The following BRMS1L variants were observed in gnomAD, a reference collection of about 807,000 sequenced individuals.
BRMS1L encodes breast cancer metastasis-suppressor 1-like protein.
A neutral mutation model predicts 50.3 loss-of-function variants in BRMS1L; 23 were observed. That is an observed-to-expected ratio of 0.46 (90% CI 0.33 to 0.65). BRMS1L has a LOEUF of 0.65. Among genes scored for constraint, BRMS1L ranks in the 30% least tolerant of loss-of-function variants. The pLI is 0.02. For missense variants in BRMS1L, 286 were observed against 386.1 expected (o/e 0.74, Z 2.17); for synonymous variants, 114 against 126.9 (o/e 0.90, Z 0.69).
intron 4 of BRMS1L, among the ~76,000 whole-genome samples, chr14:35,845,513 A>G (rs2078122619): frequency 6.6e-6 from 1 of 152,162 alleles, no homozygotes; most frequent in Non-Finnish European, 1.5e-5. Context: ...TAGGTTGTTA[A>G]TGGATTTCCT....
At chr14:35,841,692 C>A (rs1302792894) in intron 4 of BRMS1L, among the ~76,000 whole-genome samples, 1 of 152,154 alleles carries the variant, frequency 6.6e-6, no homozygotes, top group African/African-American at 2.4e-5. Flanking sequence ...TCTGTTAGGT[C>A]TCCTTGGTCC....
chr14:35,838,965 T>C (rs565312959), intron 4 of BRMS1L, among the ~76,000 whole-genome samples: 4 of 152,348 alleles, frequency 2.6e-5, no homozygotes, highest in East Asian at 3.9e-4. Context: ...TCCTGAATGG[T>C]ATTTCCTAGG....
intron 8 of BRMS1L, 79 bp downstream of exon 8, chr14:35,865,840 A>T: frequency 8.1e-7 from 1 of 1,241,494 alleles, no homozygotes; most frequent in Non-Finnish European, 1.1e-6. Flanking sequence ...GTACTAAAGA[A>T]CTCTTGAATC....
intron 4 of BRMS1L, among the ~76,000 whole-genome samples, chr14:35,852,665 C>G (rs1454473873): frequency 6.6e-6 from 1 of 152,160 alleles, no homozygotes; most frequent in East Asian, 1.9e-4. Context: ...GGCGCGGTGG[C>G]TCACGCCTGT....
intron 3 of BRMS1L, among the ~76,000 whole-genome samples, chr14:35,834,548 T>A (rs1192298583): frequency 1.3e-5 from 2 of 152,108 alleles, no homozygotes; most frequent in Non-Finnish European, 2.9e-5. Flanking sequence ...AGGAAAAGAG[T>A]TTTATTTTCA....
chr14:35,830,050 G>T, intron 1 of BRMS1L: 1 of 170,786 alleles, frequency 5.9e-6, no homozygotes, highest in South Asian at 1.4e-4. Flanking sequence ...AATAAGATTA[G>T]TTTTCCTTTT....
intron 5 of BRMS1L, among the ~76,000 whole-genome samples, chr14:35,863,282 G>A (rs973118277): frequency 2.0e-5 from 3 of 152,150 alleles, no homozygotes; most frequent in Admixed American, 2.0e-4. Flanking sequence ...ACTTATTAAT[G>A]ATTAGATCAG....
chr14:35,866,610 TG>T (rs2078424974), intron 8 of BRMS1L, among the ~76,000 whole-genome samples: 1 of 151,914 alleles, frequency 6.6e-6, no homozygotes, highest in Non-Finnish European at 1.5e-5. Context: ...GAGGCTGAGG[TG>T]GGAGGATCAC....
intron 4 of BRMS1L, among the ~76,000 whole-genome samples, chr14:35,845,826 G>C (rs1305076337): frequency 6.6e-6 from 1 of 152,120 alleles, no homozygotes; most frequent in East Asian, 1.9e-4. Context: ...CGTGATCATA[G>C]TGCACTGCAG....
intron 3 of BRMS1L, among the ~76,000 whole-genome samples, chr14:35,834,005 A>T (rs1048696594): frequency 6.6e-6 from 1 of 152,154 alleles, no homozygotes. Context: ...GATTACATGG[A>T]TGATCAGGAA....
At chr14:35,843,496 G>T (rs916083694) in intron 4 of BRMS1L, among the ~76,000 whole-genome samples, 11 of 152,192 alleles carry the variant, frequency 7.2e-5, no homozygotes, top group Admixed American at 6.5e-5. Flanking sequence ...TGTTTGCCTG[G>T]TTATCACCAG....
chr14:35,831,643 G>A lies in BRMS1L; in HGVS notation c.233+143G>A, dbSNP rs191703874. The A allele has an allele frequency of 5.0e-5, 32 of 637,972 alleles. No individual in the cohort carries two copies. The Admixed American group carries it at 6.9e-4, about 14-fold the overall frequency. 39.5% of individuals were successfully genotyped at this position (637,972 alleles called of 1,614,324 possible). On this transcript the variant is annotated intron_variant, in intron 2 of 9. Coordinates refer to ENST00000216807, the MANE Select transcript of BRMS1L (RefSeq NM_032352.4). ...TTGAAAGAGGCTTCAACTATTGTTT[G>A]TCTACTAAAGACCTCATTAACTAAA... is the stretch of plus-strand genomic sequence containing the variant.
At chr14:35,853,018 A>ATT (rs1425702944) in intron 4 of BRMS1L, among the ~76,000 whole-genome samples, 2 of 146,686 alleles carry the variant, frequency 1.4e-5, no homozygotes, top group South Asian at 2.1e-4. Context: ...ATCTATCTAT[A>ATT]TATAGAGAGA....
In BRMS1L at chr14:35,863,926, G is replaced by A; in HGVS notation, c.595G>A (p.Asp199Asn). Residue 199 changes from aspartate to asparagine, a missense_variant, in exon 6 of 10, where the codon GAC (aspartate) becomes AAC (asparagine). By Grantham distance (23) the Asp-to-Asn change is conservative (BLOSUM62 1). Transcript: ENST00000216807. The part of the protein sequence containing the change: ...RKKRKDPFSP[D>N]KKKPVVVSGP... ...AAAGAGGAAGGATCCTTTCAGTCCT[G>A]ACAAAAAGAAGCCAGTTGTTGTTTC... The A allele has an allele frequency of 6.2e-7, 1 of 1,613,832 alleles. No homozygotes were observed. Among genetic ancestry groups the A allele is most frequent in the Non-Finnish European group, 8.5e-7 (1 of 1,179,904 alleles).
In BRMS1L at chr14:35,870,718, A is replaced by G. The variant is rs1011783784; in HGVS notation, c.*241A>G. The G allele has an allele frequency of 9.3e-6, 2 of 214,864 alleles. No individual in the cohort carries two copies. Among genetic ancestry groups the G allele is most frequent in the Non-Finnish European group, 1.9e-5 (2 of 107,586 alleles). The allele number at this position is 214,864 out of a possible 1,614,324, so 13.3% of individuals were successfully genotyped here. A position where few individuals can be genotyped will look rare whatever the true frequency, so the allele number is the denominator to read the frequency against. ...GTCCGATGACCAATAGGTATTCTGT[A>G]TATGGTAGGGGTTTCTTTCTAAACA... On this transcript the variant is annotated 3_prime_UTR_variant, in exon 10 of 10. Coordinates refer to ENST00000216807, the MANE Select transcript of BRMS1L (RefSeq NM_032352.4).
chr14:35,865,848 A>G, intron 8 of BRMS1L, 87 bp downstream of exon 8: 1 of 1,179,076 alleles, frequency 8.5e-7, no homozygotes, highest in East Asian at 2.4e-5. Context: ...GAACTCTTGA[A>G]TCAGTGGTTT....
intron 4 of BRMS1L, among the ~76,000 whole-genome samples, chr14:35,852,682 A>T (rs185184186): frequency 2.2e-4 from 34 of 152,270 alleles, no homozygotes; most frequent in South Asian, 1.7e-3. Flanking sequence ...CTGTAATCCC[A>T]GCACTTTGGG....
chr14:35,868,034 TA>T lies in BRMS1L; in HGVS notation c.854+8del. 6.3e-7 allele frequency: 1 copy of T among 1,584,432 alleles called. No homozygotes were observed. On this transcript the variant is annotated splice_donor_region_variant and intron_variant, in intron 9 of 9. Coordinates refer to ENST00000216807, the MANE Select transcript of BRMS1L (RefSeq NM_032352.4). ...TAAAAAAGATGAATGTCCTACAAGG[TA>T]AAAAAGCCTTTGTTATTTCAGTGTT...
chr14:35,863,780 G>A (rs912778755), intron 5 of BRMS1L, 90 bp from the exon 6 acceptor site: 1 of 1,175,318 alleles, frequency 8.5e-7, no homozygotes, highest in African/African-American at 1.5e-5. Flanking sequence ...GTTTTTACAT[G>A]TAACTAAATA....
Sources: gnomAD v4.1 joint callset for allele counts (sites outside exome capture counted in the v4.1 genomes callset) on GRCh38, gnomAD v4.1.1 for gene constraint, MANE v1.5 for transcripts, NCBI Gene and HGNC (gene_info 2026-07-23, HGNC 2026-07-21) for gene names.